Variants in MGAT5 observed in about 807,000 individuals in gnomAD.
MGAT5 encodes the protein alpha-1,6-mannosylglycoprotein 6-beta-N-acetylglucosaminyltransferase A.
Under a neutral mutation model 94.3 loss-of-function variants are expected in MGAT5, and 30 were observed. The ratio of observed to expected loss-of-function variants is 0.32; its 90% CI spans 0.24 to 0.43. The LOEUF (loss-of-function observed/expected upper bound fraction) is 0.43, where lower values mean the gene tolerates loss of function less well. Among genes scored for constraint, MGAT5 ranks in the 20% least tolerant of loss-of-function variants. The pLI is 1.00. For missense variants in MGAT5, 691 were observed against 905.5 expected (o/e 0.76, Z 3.04); for synonymous variants, 310 against 322.9 (o/e 0.96, Z 0.43).
At chr2:134,173,413 C>G (rs184651239) in intron 1 of MGAT5, among the ~76,000 whole-genome samples, 1 of 152,094 alleles carries the variant, frequency 6.6e-6, no homozygotes, top group African/African-American at 2.4e-5. Context: ...GCCCTGCCAC[C>G]CATTGCTGTG....
At chr2:134,293,664 T>G (rs1232562812) in intron 2 of MGAT5, among the ~76,000 whole-genome samples, 1 of 152,124 alleles carries the variant, frequency 6.6e-6, no homozygotes, top group Non-Finnish European at 1.5e-5. Flanking sequence ...GAGATGAGAT[T>G]TCACCATGTT....
chr2:134,188,958 G>A (rs1689178439), intron 1 of MGAT5, among the ~76,000 whole-genome samples: 2 of 152,328 alleles, frequency 1.3e-5, no homozygotes, highest in South Asian at 4.1e-4. Flanking sequence ...AAGGGTCTAA[G>A]TGAAGGTCAG....
At chr2:134,328,945 A>T (rs895543392) in intron 4 of MGAT5, among the ~76,000 whole-genome samples, 1 of 151,970 alleles carries the variant, frequency 6.6e-6, no homozygotes, top group African/African-American at 2.4e-5. Flanking sequence ...GGAAGAGCAA[A>T]TGCAGATGCC....
intron 4 of MGAT5, among the ~76,000 whole-genome samples, chr2:134,324,084 A>T (rs1488754669): frequency 6.6e-6 from 1 of 152,150 alleles, no homozygotes; most frequent in Admixed American, 6.5e-5. Context: ...GATGATACTG[A>T]TGTATTTGAC....
At chr2:134,214,765 A>G (rs755144301) in intron 1 of MGAT5, among the ~76,000 whole-genome samples, 2 of 152,192 alleles carry the variant, frequency 1.3e-5, no homozygotes, top group African/African-American at 2.4e-5. Context: ...GCCAACGAAC[A>G]TTTTAAGTCA....
At chr2:134,276,395 A>T (rs1684377892) in intron 2 of MGAT5, among the ~76,000 whole-genome samples, 1 of 152,220 alleles carries the variant, frequency 6.6e-6, no homozygotes, top group Admixed American at 6.5e-5. Flanking sequence ...CAATGGTACA[A>T]AGTAGTCTTA....
intron 9 of MGAT5, among the ~76,000 whole-genome samples, chr2:134,358,242 C>A (rs1679875659): frequency 6.7e-6 from 1 of 149,790 alleles, no homozygotes; most frequent in Admixed American, 6.6e-5. Context: ...AGCTTCACAT[C>A]ATTAACTATA....
chr2:134,394,810 T>C lies in MGAT5; in HGVS notation c.1381-8178T>C, dbSNP rs112606811. 4.7e-3 allele frequency among the ~76,000 whole-genome samples: 719 copies of C among 152,256 alleles called. 7 individuals carry two copies. Among genetic ancestry groups the C allele is most frequent in the African/African-American group, 0.016 (680 of 41,536 alleles). On this transcript the variant is annotated intron_variant, in intron 10 of 15. Coordinates refer to ENST00000281923, the MANE Select transcript of MGAT5 (RefSeq NM_002410.5). ...TGGTCCTGTAATAATAGGAGACACT[T>C]CTCCCTTGCCTTTAAACAGTATCTG... is the stretch of plus-strand genomic sequence containing the variant.
At chr2:134,273,862 A>C (rs1684184247) in intron 2 of MGAT5, among the ~76,000 whole-genome samples, 1 of 152,186 alleles carries the variant, frequency 6.6e-6, no homozygotes, top group African/African-American at 2.4e-5. Flanking sequence ...AGGGGACTCA[A>C]AGGAATGAAA....
intron 2 of MGAT5, among the ~76,000 whole-genome samples, chr2:134,284,859 C>T (rs193261689): frequency 3.0e-4 from 45 of 152,200 alleles, no homozygotes; most frequent in South Asian, 6.2e-4. Context: ...CAGAAGGTCA[C>T]GTGTGGCATT....
At position 134,270,383 on chromosome 2, in the gene MGAT5, C is replaced by T. The variant is rs1683956976; in HGVS notation, c.242-3C>T. The T allele has an allele frequency of 2.5e-6, 4 of 1,613,030 alleles. No homozygotes were observed. Among genetic ancestry groups the T allele is most frequent in the South Asian group, 2.2e-5 (2 of 90,998 alleles). ...TTAAAATTGTCTGCACTTTCTTTTACAGATCTGAAGAAAACCCTTGCTGTG... is the reference window on the plus strand; with the variant it reads ...TTAAAATTGTCTGCACTTTCTTTTATAGATCTGAAGAAAACCCTTGCTGTG... On this transcript the variant is annotated splice_polypyrimidine_tract_variant and splice_region_variant and intron_variant, in intron 1 of 15. Transcript: ENST00000281923.
chr2:134,344,497 A>G (rs77878551), intron 7 of MGAT5, among the ~76,000 whole-genome samples: 225 of 152,188 alleles, frequency 1.5e-3, no homozygotes, highest in African/African-American at 5.0e-3. Context: ...GTTATTGAGT[A>G]TCTAGTATTC....
chr2:134,224,856 A>G (rs1419386317), intron 1 of MGAT5, among the ~76,000 whole-genome samples: 3 of 152,012 alleles, frequency 2.0e-5, no homozygotes, highest in Non-Finnish European at 4.4e-5. Flanking sequence ...AGGTGGGAGG[A>G]TCACTTAAGC....
chr2:134,150,239 G>C lies in MGAT5; in HGVS notation c.-143+29948G>C, dbSNP rs150483068. Among the ~76,000 whole-genome samples the C allele has an allele frequency of 5.9e-5, 9 of 152,308 alleles. No homozygotes were observed. In the East Asian group the frequency reaches 1.7e-3, roughly 29 times the overall value. The stretch of plus-strand genomic sequence containing the variant: ...CCTCCTAGCGTCTTGATAGTAGTGT[G>C]TTTACCCCTATCAGCAAGGCCATTG... On this transcript the variant is annotated intron_variant, in intron 1 of 16. Transcript: ENST00000409645.
intron 10 of MGAT5, among the ~76,000 whole-genome samples, chr2:134,369,400 A>G (rs1165624818): frequency 2.0e-5 from 3 of 152,224 alleles, no homozygotes; most frequent in Non-Finnish European, 4.4e-5. Flanking sequence ...AAGATACTGC[A>G]CAGGGAAATG....
chr2:134,449,200 G>T lies in MGAT5; in HGVS notation c.*353G>T, dbSNP rs1685962452. 1 of 204,840 alleles carries T rather than the reference G, an allele frequency of 4.9e-6. No individual in the cohort carries two copies. Among genetic ancestry groups the T allele is most frequent in the Non-Finnish European group, 9.1e-6 (1 of 109,802 alleles). The allele number at this position is 204,840 out of a possible 1,614,324, so 12.7% of individuals were successfully genotyped here. A position where few individuals can be genotyped will look rare whatever the true frequency, so the allele number is the denominator to read the frequency against. ...CAGGAGGAATTGAGCTGATGGGAAA[G>T]AACTCTGAATGGGAATATTCCTAAA... On this transcript the variant is annotated 3_prime_UTR_variant, in exon 16 of 16. Coordinates refer to ENST00000281923, the MANE Select transcript of MGAT5 (RefSeq NM_002410.5).
chr2:134,338,266 T>C lies in MGAT5; in HGVS notation c.653T>C (p.Ile218Thr), dbSNP rs750550666. ...EEADHNSLAE[I>T]RTDFNILYSM... ...TTAAATTTCTGTTGCTAGGCGGAAATTCGTACAGATTTTAATATTCTCTAC... is the reference window on the plus strand; with the variant it reads ...TTAAATTTCTGTTGCTAGGCGGAAACTCGTACAGATTTTAATATTCTCTAC... The change falls in exon 6 of 16, where the codon ATT becomes ACT. Residue 218 changes from isoleucine to threonine, a missense_variant. By Grantham distance (89) the Ile-to-Thr change is moderately conservative. Transcript: ENST00000281923. The C allele has an allele frequency of 6.9e-6, 11 of 1,585,260 alleles. No homozygotes were observed. In the Admixed American group the frequency reaches 2.0e-4, roughly 29 times the overall value.
intron 1 of MGAT5, among the ~76,000 whole-genome samples, chr2:134,181,626 G>A (rs1484408469): frequency 6.6e-6 from 1 of 152,030 alleles, no homozygotes; most frequent in African/African-American, 2.4e-5. Context: ...AAAATCTTTG[G>A]TTTGTCTAAA....
intron 14 of MGAT5, among the ~76,000 whole-genome samples, chr2:134,437,976 C>T (rs1187490904): frequency 6.7e-6 from 1 of 149,610 alleles, no homozygotes; most frequent in Admixed American, 6.7e-5. Context: ...GATCATGCCA[C>T]TGCACTCCTG....
Sources: allele counts gnomAD v4.1 joint callset (sites outside exome capture counted in the v4.1 genomes callset), GRCh38; gene constraint gnomAD v4.1.1; transcripts MANE v1.5; gene names NCBI Gene and HGNC (gene_info 2026-07-23, HGNC 2026-07-21).